The following DNAAF9 variants were observed in gnomAD, a reference collection of about 807,000 sequenced individuals.
DNAAF9 encodes the protein dynein axonemal assembly factor 9.
DNAAF9 carries 90 observed loss-of-function variants against 167.0 expected under a neutral mutation model. That is an observed-to-expected ratio of 0.54 (90% CI 0.45 to 0.64). The LOEUF (loss-of-function observed/expected upper bound fraction) is 0.64. Ranked by LOEUF, DNAAF9 falls within the 30% of genes least tolerant of loss-of-function variation. The pLI is 0.00. For synonymous variants in DNAAF9, 491 were observed against 508.8 expected (o/e 0.96, Z 0.47); for missense variants, 1,315 against 1,442.2 (o/e 0.91, Z 1.43).
At chr20:3,347,336 T>C (rs1468328766) in intron 8 of DNAAF9, among the ~76,000 whole-genome samples, 2 of 152,120 alleles carry the variant, frequency 1.3e-5, no homozygotes, top group Non-Finnish European at 2.9e-5. Flanking sequence ...AGATTTTTTT[T>C]CCAGACACTC....
chr20:3,301,141 A>G (rs944143705), intron 21 of DNAAF9, among the ~76,000 whole-genome samples: 7 of 151,198 alleles, frequency 4.6e-5, no homozygotes, highest in Non-Finnish European at 7.4e-5. Context: ...AAGCCTCCCA[A>G]ATAGTTGCGA....
chr20:3,290,783 A>T (rs968646237), intron 25 of DNAAF9, among the ~76,000 whole-genome samples: 13 of 142,620 alleles, frequency 9.1e-5, no homozygotes, highest in Non-Finnish European at 1.7e-4. Flanking sequence ...GGTCAGGGCT[A>T]AGTCTTTTTT....
At chr20:3,284,034 G>A (rs925031134) in intron 27 of DNAAF9, among the ~76,000 whole-genome samples, 9 of 152,046 alleles carry the variant, frequency 5.9e-5, no homozygotes, top group African/African-American at 2.2e-4. Context: ...AAGGCCCCAG[G>A]CCATTCACTC....
At chr20:3,381,093 C>T (rs1475494696) in intron 3 of DNAAF9, among the ~76,000 whole-genome samples, 1 of 152,136 alleles carries the variant, frequency 6.6e-6, no homozygotes, top group Non-Finnish European at 1.5e-5. Context: ...AGGCAATGGT[C>T]AATGAAGAGG....
intron 21 of DNAAF9, among the ~76,000 whole-genome samples, chr20:3,300,043 T>C (rs2069156075): frequency 6.6e-6 from 1 of 152,076 alleles, no homozygotes; most frequent in Non-Finnish European, 1.5e-5. Context: ...GCTGGGATTA[T>C]AGATACATGC....
At chr20:3,332,165 C>G (rs2069841500) in intron 11 of DNAAF9, 115 bp downstream of exon 11, 1 of 631,504 alleles carries the variant, frequency 1.6e-6, no homozygotes, top group Non-Finnish European at 2.9e-6. Flanking sequence ...TGGAGGCCCA[C>G]AAATTGGGTA....
At chr20:3,400,073 AT>A (rs1194236069) in intron 1 of DNAAF9, among the ~76,000 whole-genome samples, 2 of 152,320 alleles carry the variant, frequency 1.3e-5, no homozygotes, top group Non-Finnish European at 2.9e-5. Context: ...TGTTCACTAT[AT>A]TCCAGTGTAT....
chr20:3,279,878 A>C (rs956097631), intron 28 of DNAAF9, among the ~76,000 whole-genome samples: 8 of 151,846 alleles, frequency 5.3e-5, no homozygotes, highest in African/African-American at 1.9e-4. Flanking sequence ...AGCTGAAGCC[A>C]CTCTTCTGAA....
chr20:3,333,957 T>C lies in DNAAF9; in HGVS notation c.982-1596A>G, dbSNP rs548245129. On this transcript the variant is annotated intron_variant, in intron 10 of 36. Transcript: ENST00000252032. ...AGTAACTGTCTAAACCTTGGTGTCATAGAGCACGACTCTTAAAAACATTTT... is the reference window on the plus strand; with the variant it reads ...AGTAACTGTCTAAACCTTGGTGTCACAGAGCACGACTCTTAAAAACATTTT... 7.2e-5 allele frequency among the ~76,000 whole-genome samples: 11 copies of C among 152,300 alleles called. No homozygotes were observed. The East Asian group carries it at 1.3e-3, about 19-fold the overall frequency.
rs879007335 is a variant in DNAAF9, at chr20:3,298,246, G to A, written c.1783-71C>T. 11 of 1,201,526 alleles carry A rather than the reference G, an allele frequency of 9.2e-6. No individual in the cohort carries two copies. The South Asian group carries it at 1.2e-4, about 13-fold the overall frequency. 74.4% of individuals were successfully genotyped at this position (1,201,526 alleles called of 1,614,324 possible). On this transcript the variant is annotated intron_variant, in intron 21 of 36. Coordinates refer to ENST00000252032, the MANE Select transcript of DNAAF9 (RefSeq NM_001009984.3). ...ATTACAGCACTCACAACTACTGCCA[G>A]AACACACAGGATCAATTTCAGTACA...
intron 7 of DNAAF9, among the ~76,000 whole-genome samples, chr20:3,358,077 T>C (rs954474149): frequency 5.3e-5 from 8 of 151,986 alleles, no homozygotes; most frequent in African/African-American, 1.9e-4. Context: ...TTCTTGAGGA[T>C]TTTATTATAG....
At chr20:3,384,475 C>A (rs1371339201) in intron 1 of DNAAF9, 1 of 150,002 alleles carries the variant, frequency 6.7e-6, no homozygotes, top group African/African-American at 2.5e-5. Context: ...CAAAAAGTAT[C>A]AAAAAGAGAA....
At chr20:3,382,786 C>T (rs2083677632) in intron 1 of DNAAF9, among the ~76,000 whole-genome samples, 1 of 152,140 alleles carries the variant, frequency 6.6e-6, no homozygotes, top group South Asian at 2.1e-4. Context: ...GTCCCTCTCT[C>T]ATGGTCAATG....
intron 1 of DNAAF9, among the ~76,000 whole-genome samples, chr20:3,399,917 T>C (rs1214122948): frequency 1.3e-5 from 2 of 152,222 alleles, no homozygotes; most frequent in Non-Finnish European, 2.9e-5. Context: ...TAGGCCACCT[T>C]ATCTAAAATG....
intron 23 of DNAAF9, 54 bp from the exon 24 acceptor site, chr20:3,294,683 C>A (rs976007460): frequency 8.9e-6 from 10 of 1,127,816 alleles, no homozygotes; most frequent in African/African-American, 1.5e-5. Flanking sequence ...AGCATATACA[C>A]TTTACACAAC....
At chr20:3,330,714 G>A in intron 11 of DNAAF9, 32 bp from the exon 12 acceptor site, 1 of 1,485,844 alleles carries the variant, frequency 6.7e-7, no homozygotes. Flanking sequence ...AATGTGACAA[G>A]AGCACAGGAT....
rs78619194 is a variant in DNAAF9, at chr20:3,392,489, A to G, written c.84-9983T>C. On this transcript the variant is annotated intron_variant, in intron 1 of 36. Coordinates refer to ENST00000252032, the MANE Select transcript of DNAAF9 (RefSeq NM_001009984.3). ...ATCACAAAGCTAAGTAAAGATTAAC[A>G]TCATCAGAACCTAAGTGAGCAGGTA... is the stretch of plus-strand genomic sequence containing the variant. Among the ~76,000 whole-genome samples, 199 of 152,366 alleles carry G rather than the reference A, an allele frequency of 1.3e-3. 3 individuals are homozygous for G. In the East Asian group the frequency reaches 0.035, roughly 27 times the overall value.
intron 6 of DNAAF9, chr20:3,362,115 T>C (rs112456474): frequency 2.1e-5 from 29 of 1,387,950 alleles, no homozygotes; most frequent in African/African-American, 1.4e-4. Context: ...TAGGTCCATA[T>C]TCTATTTTAA....
intron 27 of DNAAF9, among the ~76,000 whole-genome samples, chr20:3,284,902 A>G (rs2068825031): frequency 6.6e-6 from 1 of 151,618 alleles, no homozygotes; most frequent in African/African-American, 2.4e-5. Context: ...GTTCTATTCA[A>G]TTTTACCACC....
Sources: allele counts gnomAD v4.1 joint callset (sites outside exome capture counted in the v4.1 genomes callset), GRCh38; gene constraint gnomAD v4.1.1; transcripts MANE v1.5; gene names NCBI Gene and HGNC (gene_info 2026-07-23, HGNC 2026-07-21).